ERP44: variants seen among roughly 807,000 people sequenced by gnomAD.
The protein encoded by ERP44 is endoplasmic reticulum protein 44, also known as endoplasmic reticulum resident protein 44.
Under a neutral mutation model 53.4 loss-of-function variants are expected in ERP44, and 25 were observed. That is an observed-to-expected ratio of 0.47 (90% CI 0.34 to 0.65). ERP44 has a LOEUF of 0.65. Among genes scored for constraint, ERP44 ranks in the 30% least tolerant of loss-of-function variants. The pLI, the probability that ERP44 is intolerant of heterozygous loss-of-function variation, is 0.01. For synonymous variants in ERP44, 145 were observed against 161.2 expected, an observed-to-expected ratio of 0.90 and a Z score of 0.76; for missense variants, 338 against 493.2, an observed-to-expected ratio of 0.69 and a Z score of 2.98.
At chr9:100,068,071 G>A (rs1224070415) in intron 1 of ERP44, among the ~76,000 whole-genome samples, 3 of 148,332 alleles carry the variant, frequency 2.0e-5, no homozygotes, top group South Asian at 2.1e-4. Flanking sequence ...CCATCCGGGA[G>A]GGAGGTGGGG....
intron 10 of ERP44, among the ~76,000 whole-genome samples, chr9:99,991,296 C>G (rs1187674508): frequency 6.6e-6 from 1 of 152,194 alleles, no homozygotes; most frequent in Non-Finnish European, 1.5e-5. Flanking sequence ...TATAAAAGAA[C>G]AGAAATCACA....
rs1250770260 is a variant in ERP44 at position 100,098,841 on chromosome 9, G to A, written c.-1C>T. On this transcript the variant is annotated 5_prime_UTR_variant, in exon 1 of 12. Transcript: ENST00000262455. ...AGGATAGGAAGACGGCAGGATGCAT[G>A]GTAACGCTGGGGTCCGTGACAGGGA... 1 of 1,613,226 alleles carries A rather than the reference G, an allele frequency of 6.2e-7. No homozygotes were observed. Among genetic ancestry groups the A allele is most frequent in the Non-Finnish European group, 8.5e-7 (1 of 1,179,506 alleles).
intron 1 of ERP44, among the ~76,000 whole-genome samples, chr9:100,096,031 C>A (rs1337912936): frequency 1.3e-5 from 2 of 152,108 alleles, no homozygotes; most frequent in Non-Finnish European, 2.9e-5. Flanking sequence ...TAAGTGTTCA[C>A]ATGCGGGACA....
intron 10 of ERP44, among the ~76,000 whole-genome samples, chr9:99,995,054 C>T (rs1830296730): frequency 6.6e-6 from 1 of 151,968 alleles, no homozygotes; most frequent in Non-Finnish European, 1.5e-5. Flanking sequence ...AGATTCTGCA[C>T]ATGTTTTGTT....
chr9:100,016,553 G>C, intron 7 of ERP44, 115 bp from the exon 8 acceptor site: 1 of 1,372,434 alleles, frequency 7.3e-7, no homozygotes, highest in Non-Finnish European at 9.5e-7. Flanking sequence ...CCAGGCTGGA[G>C]TACAGTGACA....
intron 10 of ERP44, among the ~76,000 whole-genome samples, chr9:99,988,746 C>G (rs906364025): frequency 6.6e-6 from 1 of 152,166 alleles, no homozygotes; most frequent in African/African-American, 2.4e-5. Context: ...ACCCAGGAAG[C>G]ACAAGGGATT....
Position 100,098,914 on chromosome 9 carries a change from G to C in ERP44, c.-74C>G. The C allele has an allele frequency of 1.6e-6, 2 of 1,270,692 alleles. No homozygotes were observed. The highest frequency in any genetic ancestry group is 2.4e-5 in the East Asian group (1 of 41,688). The allele number at this position is 1,270,692 out of a possible 1,614,324, so 78.7% of individuals were successfully genotyped here. ...GGCTAGGTTGGGTTGGGTTAGGAAA[G>C]GGCTGGGCTCCGGGAGCCGACGGCA... On this transcript the variant is annotated 5_prime_UTR_variant, in exon 1 of 12. Transcript: ENST00000262455.
intron 10 of ERP44, among the ~76,000 whole-genome samples, chr9:99,999,303 A>T (rs936605091): frequency 1.3e-5 from 2 of 151,738 alleles, no homozygotes; most frequent in Non-Finnish European, 2.9e-5. Context: ...TGATGAGATT[A>T]TTTGTTTTTT....
chr9:100,074,266 C>G (rs991476454), intron 1 of ERP44, among the ~76,000 whole-genome samples: 2 of 152,162 alleles, frequency 1.3e-5, no homozygotes, highest in Non-Finnish European at 2.9e-5. Context: ...TGAAACTATC[C>G]TCCCCACCCC....
intron 4 of ERP44, among the ~76,000 whole-genome samples, chr9:100,043,046 T>TG (rs757587530): frequency 8.7e-4 from 131 of 151,074 alleles, no homozygotes; most frequent in Non-Finnish European, 1.5e-3. Flanking sequence ...AATCATGAGG[T>TG]CAGGAAATCG....
chr9:100,090,779 A>G (rs951614290), intron 1 of ERP44, among the ~76,000 whole-genome samples: 24 of 152,098 alleles, frequency 1.6e-4, no homozygotes, highest in Admixed American at 1.6e-3. Flanking sequence ...CAAAACAGCT[A>G]AAGAGCAGGC....
At chr9:100,030,641 G>A (rs927273704) in intron 4 of ERP44, among the ~76,000 whole-genome samples, 3 of 152,152 alleles carry the variant, frequency 2.0e-5, no homozygotes, top group African/African-American at 7.2e-5. Flanking sequence ...TATTCTCTTT[G>A]GATTAATCTG....
intron 10 of ERP44, chr9:99,998,729 CTCT>C (rs765065468): frequency 4.1e-5 from 30 of 726,488 alleles, no homozygotes; most frequent in Admixed American, 6.7e-5. Context: ...TTTTTTGCAT[CTCT>C]TTTCTTTTTT....
At chr9:99,999,037 G>C (rs1478764745) in intron 10 of ERP44, 4 of 843,750 alleles carry the variant, frequency 4.7e-6, no homozygotes, top group Non-Finnish European at 4.0e-6. Flanking sequence ...CTGCTCCTTG[G>C]TGAGGCCCGG....
chr9:99,997,898 G>A lies in ERP44; in HGVS notation c.1016+8608C>T, dbSNP rs1830330527. The stretch of plus-strand genomic sequence containing the variant: ...GCTCAGAGGCCACCGAGAAGCACAA[G>A]CGACTGACAGCTCCTCTGCTTACAA... On this transcript the variant is annotated intron_variant, in intron 10 of 11. Transcript: ENST00000262455. Among the ~76,000 whole-genome samples, 6 of 151,880 alleles carry A rather than the reference G, an allele frequency of 4.0e-5. No homozygotes were observed. The South Asian group carries it at 1.0e-3, about 26-fold the overall frequency.
intron 10 of ERP44, among the ~76,000 whole-genome samples, chr9:100,002,909 A>T (rs1298977457): frequency 4.0e-5 from 6 of 151,284 alleles, no homozygotes; most frequent in Admixed American, 4.0e-4. Context: ...CTACCCCTTT[A>T]TTTCTCCTTT....
intron 1 of ERP44, among the ~76,000 whole-genome samples, chr9:100,082,435 A>C (rs1323475045): frequency 6.6e-6 from 1 of 151,646 alleles, no homozygotes; most frequent in Non-Finnish European, 1.5e-5. Flanking sequence ...GATAAAGTCC[A>C]CTAATAACCC....
intron 11 of ERP44, among the ~76,000 whole-genome samples, chr9:99,984,295 A>G (rs1037428957): frequency 3.9e-5 from 6 of 152,292 alleles, no homozygotes; most frequent in Admixed American, 3.9e-4. Flanking sequence ...TATCATGGTA[A>G]TAGGCATGAT....
At chr9:100,006,990 G>C (rs1160563553) in intron 9 of ERP44, among the ~76,000 whole-genome samples, 2 of 152,264 alleles carry the variant, frequency 1.3e-5, no homozygotes, top group East Asian at 3.9e-4. Context: ...ATTCTCATGG[G>C]ACCATTTTCA....
Sources: allele counts gnomAD v4.1 joint callset (sites outside exome capture counted in the v4.1 genomes callset), GRCh38; gene constraint gnomAD v4.1.1; transcripts MANE v1.5; gene names NCBI Gene and HGNC (gene_info 2026-07-23, HGNC 2026-07-21).